CCDC178: variants seen among roughly 807,000 people sequenced by gnomAD.
CCDC178 encodes the protein coiled-coil domain containing 178.
CCDC178 carries 126 observed loss-of-function variants against 117.4 expected under a neutral mutation model. That is an observed-to-expected ratio of 1.07 (90% CI 0.93 to 1.24). The LOEUF is 1.24. Among genes scored for constraint, CCDC178 ranks in the 50% most tolerant of loss-of-function variants. The pLI is 0.00. For synonymous variants in CCDC178, 283 were observed against 313.4 expected (o/e 0.90, Z 1.02); for missense variants, 1,030 against 986.9 (o/e 1.04, Z -0.59).
chr18:33,015,106 A>C (rs751048252), intron 21 of CCDC178, among the ~76,000 whole-genome samples: 3 of 151,820 alleles, frequency 2.0e-5, no homozygotes, highest in Non-Finnish European at 2.9e-5. Context: ...AAATACAAAA[A>C]TTAGCCGGGT....
intron 20 of CCDC178, among the ~76,000 whole-genome samples, chr18:33,136,463 T>C (rs1396717462): frequency 6.6e-6 from 1 of 152,132 alleles, no homozygotes; most frequent in Non-Finnish European, 1.5e-5. Flanking sequence ...TCTGCAGGGT[T>C]AGAATAACTA....
intron 22 of CCDC178, among the ~76,000 whole-genome samples, chr18:32,939,968 T>C (rs912400098): frequency 2.6e-5 from 4 of 152,178 alleles, no homozygotes; most frequent in African/African-American, 4.8e-5. Context: ...CTAATTACAA[T>C]TGATGTGTAA....
At chr18:33,080,919 A>G (rs1366983800) in intron 21 of CCDC178, among the ~76,000 whole-genome samples, 2 of 152,182 alleles carry the variant, frequency 1.3e-5, no homozygotes, top group African/African-American at 4.8e-5. Context: ...GCTGAAATAA[A>G]AATATGGTGC....
chr18:33,438,274 C>T (rs1290761034), intron 2 of CCDC178, among the ~76,000 whole-genome samples: 1 of 152,118 alleles, frequency 6.6e-6, no homozygotes, highest in Non-Finnish European at 1.5e-5. Context: ...AGTTAGCCCT[C>T]CTTCAGCATC....
At position 33,286,396 on chromosome 18, in the gene CCDC178, A is replaced by G. The variant is rs181496957; in HGVS notation, c.1176+6763T>C. On this transcript the variant is annotated intron_variant, in intron 12 of 22. Transcript: ENST00000383096. ...ATTTGGGTTGTAGTTTGGCTCTGCC[A>G]CTTAATAGCTTTTTGTCTGTTAGAA... 1.7e-4 allele frequency among the ~76,000 whole-genome samples: 26 copies of G among 152,334 alleles called. No individual in the cohort carries two copies. The East Asian group carries it at 3.3e-3, about 19-fold the overall frequency.
At chr18:33,367,523 A>G (rs2144749246) in intron 6 of CCDC178, among the ~76,000 whole-genome samples, 1 of 152,164 alleles carries the variant, frequency 6.6e-6, no homozygotes, top group South Asian at 2.1e-4. Flanking sequence ...GTTGTCTAAT[A>G]TTACCAACAT....
At chr18:33,429,472 G>A (rs2064175216) in intron 2 of CCDC178, among the ~76,000 whole-genome samples, 1 of 151,886 alleles carries the variant, frequency 6.6e-6, no homozygotes, top group Non-Finnish European at 1.5e-5. Context: ...TAAAATAGAA[G>A]AATCAAATGA....
At chr18:33,265,668 C>T (rs1443180896) in intron 14 of CCDC178, among the ~76,000 whole-genome samples, 1 of 151,932 alleles carries the variant, frequency 6.6e-6, no homozygotes, top group Non-Finnish European at 1.5e-5. Flanking sequence ...TGTGCCTATT[C>T]AAGGGACCTT....
At chr18:32,954,165 T>A (rs1019716395) in intron 22 of CCDC178, 8 of 152,206 alleles carry the variant, frequency 5.3e-5, no homozygotes, top group Non-Finnish European at 8.8e-5. Flanking sequence ...GGTTCATTTT[T>A]TTCATTAATT....
chr18:33,264,083 CA>C (rs1222544917), intron 14 of CCDC178, among the ~76,000 whole-genome samples: 1 of 151,766 alleles, frequency 6.6e-6, no homozygotes, highest in African/African-American at 2.4e-5. Flanking sequence ...CTGTGTCAAA[CA>C]AAAAAATCAT....
chr18:33,191,284 G>T (rs1043630913), intron 20 of CCDC178, among the ~76,000 whole-genome samples: 3 of 151,896 alleles, frequency 2.0e-5, no homozygotes, highest in African/African-American at 7.3e-5. Flanking sequence ...GAGTTCACTG[G>T]AGACAAGATC....
At chr18:33,020,134 A>G (rs929254877) in intron 21 of CCDC178, among the ~76,000 whole-genome samples, 2 of 97,750 alleles carry the variant, frequency 2.0e-5, no homozygotes, top group East Asian at 5.7e-4. Flanking sequence ...TTTTTTTTGT[A>G]TTTTTAGTAG....
At chr18:33,016,690 A>G (rs1318269211) in intron 21 of CCDC178, among the ~76,000 whole-genome samples, 4 of 152,000 alleles carry the variant, frequency 2.6e-5, no homozygotes, top group Non-Finnish European at 4.4e-5. Context: ...GTATTAATTG[A>G]TATTAGATTG....
chr18:33,136,722 C>T (rs1322391844), intron 20 of CCDC178, among the ~76,000 whole-genome samples: 2 of 152,076 alleles, frequency 1.3e-5, no homozygotes, highest in South Asian at 4.1e-4. Context: ...TTATTTGGTG[C>T]TATCCTATTT....
chr18:33,245,767 C>T (rs576767874), intron 14 of CCDC178, among the ~76,000 whole-genome samples: 26 of 151,792 alleles, frequency 1.7e-4, no homozygotes, highest in Non-Finnish European at 2.9e-4. Flanking sequence ...GGTGTTTTTA[C>T]GAGAGAATAT....
At chr18:33,059,560 G>A (rs1363010329) in intron 21 of CCDC178, among the ~76,000 whole-genome samples, 1 of 152,170 alleles carries the variant, frequency 6.6e-6, no homozygotes, top group Admixed American at 6.5e-5. Flanking sequence ...TATGGTGAGT[G>A]AGTGCCAGAC....
At chr18:33,374,707 T>A (rs1005082118) in intron 5 of CCDC178, among the ~76,000 whole-genome samples, 1 of 149,364 alleles carries the variant, frequency 6.7e-6, no homozygotes, top group Non-Finnish European at 1.5e-5. Flanking sequence ...TTGATGATAG[T>A]CAAAAATTGA....
chr18:32,989,585 A>G (rs2055344843), intron 21 of CCDC178, among the ~76,000 whole-genome samples: 1 of 152,174 alleles, frequency 6.6e-6, no homozygotes, highest in Admixed American at 6.5e-5. Context: ...GATGTAAACA[A>G]ATGACTGGGC....
intron 21 of CCDC178, among the ~76,000 whole-genome samples, chr18:33,083,808 A>G (rs928655174): frequency 2.0e-5 from 3 of 152,174 alleles, no homozygotes; most frequent in Admixed American, 6.5e-5. Context: ...ATGTCAGCAA[A>G]TTTATACATT....
Sources: allele counts gnomAD v4.1 joint callset (sites outside exome capture counted in the v4.1 genomes callset), GRCh38; gene constraint gnomAD v4.1.1; transcripts MANE v1.5; gene names NCBI Gene and HGNC (gene_info 2026-07-23, HGNC 2026-07-21).